The following KIAA1671 variants were observed in gnomAD, a reference collection of about 807,000 sequenced individuals.
KIAA1671 encodes KIAA1671.
KIAA1671 carries 52 observed loss-of-function variants against 131.2 expected under a neutral mutation model. The ratio of observed to expected loss-of-function variants is 0.40; its 90% CI spans 0.32 to 0.50. The LOEUF is 0.50. Among genes scored for constraint, KIAA1671 ranks in the 20% least tolerant of loss-of-function variants. The pLI, the probability that KIAA1671 is intolerant of heterozygous loss-of-function variation, is 0.73. For synonymous variants in KIAA1671, 1,003 were observed against 961.6 expected, an observed-to-expected ratio of 1.04 and a Z score of -0.80; for missense variants, 2,360 against 2,364.2, an observed-to-expected ratio of 1.00 and a Z score of 0.04.
chr22:25,042,055 TC>T (rs1926955206), intron 5 of KIAA1671, among the ~76,000 whole-genome samples: 1 of 152,158 alleles, frequency 6.6e-6, no homozygotes, highest in African/African-American at 2.4e-5. Flanking sequence ...AGCTGGTTCT[TC>T]ACAGGCAGGA....
rs905229021 is a variant in KIAA1671, at chr22:25,070,145, C to T, written c.4530+20781C>T. ...ACTGGACGAGAAGCCAGAGATGCCC[C>T]GGGCGGGGCTCATAGGACCGAGTGG... On this transcript the variant is annotated intron_variant, in intron 6 of 12. Transcript: ENST00000358431. 6.3e-5 allele frequency: 24 copies of T among 378,722 alleles called. 1 individual carries two copies. In the East Asian group the frequency reaches 6.8e-4, roughly 11 times the overall value. 23.5% of individuals were successfully genotyped at this position (378,722 alleles called of 1,614,324 possible). A position where few individuals can be genotyped will look rare whatever the true frequency, so the allele number is the denominator to read the frequency against.
chr22:25,010,918 G>A (rs995094074), intron 1 of KIAA1671: 2 of 152,180 alleles, frequency 1.3e-5, no homozygotes, highest in Admixed American at 1.3e-4. Flanking sequence ...CGGTTGCCAT[G>A]ACTGCAGACA....
intron 6 of KIAA1671, among the ~76,000 whole-genome samples, chr22:25,137,025 G>T (rs2145954257): frequency 6.6e-6 from 1 of 152,276 alleles, no homozygotes; most frequent in South Asian, 2.1e-4. Flanking sequence ...CTATTATTCT[G>T]TTCAAAGATA....
chr22:25,044,015 A>AGG (rs796211918), intron 5 of KIAA1671, among the ~76,000 whole-genome samples: 36,877 of 151,990 alleles, frequency 0.24, 6,577 homozygotes, highest in African/African-American at 0.51. Context: ...TACAGTCAGT[A>AGG]ATGATCATGC....
intron 6 of KIAA1671, among the ~76,000 whole-genome samples, chr22:25,124,128 T>C (rs5752064): frequency 0.68 from 103,632 of 152,058 alleles, 35,533 homozygotes; most frequent in South Asian, 0.73. Context: ...AGCTCACCCT[T>C]TTAGGAGTTG....
At chr22:24,983,314 C>A (rs945089382) in intron 1 of KIAA1671, among the ~76,000 whole-genome samples, 1 of 152,116 alleles carries the variant, frequency 6.6e-6, no homozygotes, top group African/African-American at 2.4e-5. Flanking sequence ...AAAAGAGAAT[C>A]CCTCCTTTCT....
chr22:25,075,520 G>C (rs768757157), intron 6 of KIAA1671, among the ~76,000 whole-genome samples: 43 of 151,434 alleles, frequency 2.8e-4, no homozygotes, highest in Non-Finnish European at 1.0e-4. Flanking sequence ...TTTTGAGATG[G>C]AGTCTCTGTC....
intron 6 of KIAA1671, among the ~76,000 whole-genome samples, chr22:25,095,324 A>G (rs1930341328): frequency 6.6e-6 from 1 of 152,194 alleles, no homozygotes. Context: ...GGAGCAAAAA[A>G]CAATAAAAAT....
chr22:25,023,490 A>C (rs1023297870), intron 1 of KIAA1671: 1 of 152,270 alleles, frequency 6.6e-6, no homozygotes, highest in Admixed American at 6.5e-5. Flanking sequence ...ACATCTCTTA[A>C]ATCAAGTGTA....
chr22:25,177,661 TC>T (rs1568993844), intron 9 of KIAA1671, 139 bp downstream of exon 9: 10 of 725,878 alleles, frequency 1.4e-5, no homozygotes, highest in African/African-American at 5.4e-5. Flanking sequence ...ATTTTTTTTT[TC>T]ATGTCTTAAA....
intron 9 of KIAA1671, among the ~76,000 whole-genome samples, 199 bp downstream of exon 9, chr22:25,177,721 C>T (rs563647334): frequency 6.6e-6 from 1 of 152,260 alleles, no homozygotes; most frequent in African/African-American, 2.4e-5. Flanking sequence ...GTTCACTTTA[C>T]TACATGGATG....
chr22:25,176,400 A>T (rs1291771830), intron 8 of KIAA1671: 1 of 152,186 alleles, frequency 6.6e-6, no homozygotes, highest in Non-Finnish European at 1.5e-5. Flanking sequence ...GAAGAAACCA[A>T]CATTTCATGT....
chr22:25,050,423 G>C (rs964158894), intron 6 of KIAA1671: 1 of 152,210 alleles, frequency 6.6e-6, no homozygotes. Flanking sequence ...CGACACTTCT[G>C]CCCACAAAGG....
Position 25,041,448 on chromosome 22 carries a change from C to T in KIAA1671, c.4318C>T (p.Pro1440Ser), listed in dbSNP as rs2145808093. ...ERRREQPKGR[P>S]SLTGENLEAK... ...GAGGCGAGAGCAGCCCAAAGGGAGG[C>T]CCAGCCTTACTGGAGAGAATTTGGA... The change falls in exon 5 of 13, where the codon CCC (proline) becomes TCC (serine). Residue 1440 changes from proline to serine, a missense_variant. Transcript: ENST00000358431. The T allele has an allele frequency of 3.2e-6, 5 of 1,551,678 alleles. No homozygotes were observed. In the East Asian group the frequency reaches 1.2e-4, roughly 38 times the overall value.
At chr22:25,019,571 C>T (rs1602071531) in intron 1 of KIAA1671, among the ~76,000 whole-genome samples, 1 of 150,922 alleles carries the variant, frequency 6.6e-6, no homozygotes, top group African/African-American at 2.4e-5. Flanking sequence ...AAAAATTTAT[C>T]AACAAGTCCA....
intron 10 of KIAA1671, among the ~76,000 whole-genome samples, chr22:25,184,331 A>T (rs527927817): frequency 6.6e-6 from 1 of 152,318 alleles, no homozygotes; most frequent in Non-Finnish European, 1.5e-5. Flanking sequence ...CATTTGTCAT[A>T]TTTCTTGAGC....
At chr22:25,137,261 A>G (rs919588759) in intron 6 of KIAA1671, among the ~76,000 whole-genome samples, 1 of 152,212 alleles carries the variant, frequency 6.6e-6, no homozygotes, top group African/African-American at 2.4e-5. Context: ...TGTTTCCAAC[A>G]CGAAATTGTT....
intron 6 of KIAA1671, among the ~76,000 whole-genome samples, chr22:25,087,295 T>C (rs1929776223): frequency 6.6e-6 from 1 of 152,158 alleles, no homozygotes; most frequent in Non-Finnish European, 1.5e-5. Flanking sequence ...TTTAAAAAAC[T>C]GTGTTCCTGC....
chr22:25,059,718 A>G (rs1928053804), intron 6 of KIAA1671: 1 of 152,222 alleles, frequency 6.6e-6, no homozygotes, highest in African/African-American at 2.4e-5. Flanking sequence ...CCCAGGTACC[A>G]GTCTGCACAA....
Sources: gnomAD v4.1 joint callset for allele counts (sites outside exome capture counted in the v4.1 genomes callset) on GRCh38, gnomAD v4.1.1 for gene constraint, MANE v1.5 for transcripts, NCBI Gene and HGNC (gene_info 2026-07-23, HGNC 2026-07-21) for gene names.